The following BEST4 variants were observed in gnomAD, a reference collection of about 807,000 sequenced individuals.
BEST4 encodes bestrophin-4.
Under a neutral mutation model 47.1 loss-of-function variants are expected in BEST4, and 36 were observed. The observed-to-expected ratio is 0.76, with a 90% confidence interval of 0.59 to 1.01. The LOEUF is 1.01. Ranked by LOEUF, BEST4 falls within the 50% of genes least tolerant of loss-of-function variation. The pLI is 0.00. For missense variants in BEST4, 550 were observed against 648.6 expected (o/e 0.85, Z 1.65); for synonymous variants, 250 against 277.8 (o/e 0.90, Z 1.00).
downstream of BEST4, among the ~76,000 whole-genome samples, chr1:44,782,219 G>A (rs901339012): frequency 2.7e-5 from 4 of 146,906 alleles, no homozygotes; most frequent in South Asian, 2.1e-4. Context: ...ATGGAACAAG[G>A]CTTGTAAAAG....
Position 44,787,583 on chromosome 1 carries a change from G to A in BEST4, c.123C>T (p.Ala41=), listed in dbSNP as rs909665916. ...AGGTGATGCTAAGCACAGCGTACAA[G>A]GCCCCAAAGAGGAGGAATTCCTTGT... ...LLYKEFLLFG[A]LYAVLSITYR... Residue 41 remains alanine (A), a synonymous_variant, in exon 1 of 9, where the codon GCC becomes GCT. Transcript: ENST00000372207. 4.3e-6 allele frequency: 7 copies of A among 1,614,108 alleles called. No homozygotes were observed. Among genetic ancestry groups the A allele is most frequent in the Non-Finnish European group, 5.1e-6 (6 of 1,180,044 alleles).
At chr1:44,789,857 C>T (rs139491717), upstream of BEST4, among the ~76,000 whole-genome samples, 2 of 152,150 alleles carry the variant, frequency 1.3e-5, no homozygotes, top group African/African-American at 2.4e-5. Flanking sequence ...GGAAGCTCCT[C>T]CCCCTACACT....
chr1:44,782,037 G>T (rs1651055395), downstream of BEST4, among the ~76,000 whole-genome samples: 1 of 152,030 alleles, frequency 6.6e-6, no homozygotes, highest in Admixed American at 6.6e-5. Context: ...GGTGGCATGT[G>T]CCTGTAATCC....
Position 44,786,515 on chromosome 1 carries a change from G to GC in BEST4, c.428_429insG (p.Ser144GlnfsTer6). On this transcript the variant is annotated frameshift_variant, in exon 3 of 9. Coordinates refer to ENST00000372207, the MANE Select transcript of BEST4 (RefSeq NM_153274.3). LOFTEE classifies it high-confidence loss of function. This position sits in a 1 kb window ranked among gnomAD's most constrained non-coding sequence, Gnocchi z 4.9. ...GGAAGCGCTTAAGCACGCGGGTGCT[G>GC]ACCGAGCGCAGCACCAGCACGGACG... 3 of 1,548,170 alleles carry GC rather than the reference G, an allele frequency of 1.9e-6. No individual in the cohort carries two copies. The South Asian group carries it at 3.6e-5, about 18-fold the overall frequency.
At chr1:44,788,944 A>C (rs1651332835), upstream of BEST4, among the ~76,000 whole-genome samples, 2 of 152,196 alleles carry the variant, frequency 1.3e-5, no homozygotes, top group Admixed American at 1.3e-4. Context: ...GTAATACCTA[A>C]GGCGCTGATA....
At chr1:44,790,508 C>T (rs1042834940), upstream of BEST4, among the ~76,000 whole-genome samples, 1 of 152,144 alleles carries the variant, frequency 6.6e-6, no homozygotes, top group Non-Finnish European at 1.5e-5. Context: ...CCTCAAAACC[C>T]TCTGGGTTTT....
chr1:44,790,172 G>A (rs1438145021), upstream of BEST4, among the ~76,000 whole-genome samples: 1 of 152,158 alleles, frequency 6.6e-6, no homozygotes, highest in Non-Finnish European at 1.5e-5. Context: ...TCCCACGACT[G>A]GTCCAGTCTT....
In BEST4 at chr1:44,786,044, G is replaced by A; in HGVS notation, c.636+30C>T. 1.7e-5 allele frequency: 27 copies of A among 1,560,166 alleles called. No homozygotes were observed. Among genetic ancestry groups the A allele is most frequent in the Non-Finnish European group, 2.2e-5 (25 of 1,155,786 alleles). ...CATCTTTAAAATTAGAGGGAGGAGG[G>A]CAGATGGGTCTGGTCCTGAGCCCAC... is the stretch of plus-strand genomic sequence containing the variant. On this transcript the variant is annotated intron_variant, in intron 4 of 8. Coordinates refer to ENST00000372207, the MANE Select transcript of BEST4 (RefSeq NM_153274.3). This position sits in a 1 kb window ranked among gnomAD's most constrained non-coding sequence, Gnocchi z 4.9.
upstream of BEST4, among the ~76,000 whole-genome samples, chr1:44,791,262 G>A (rs1392952337): frequency 1.3e-5 from 2 of 152,006 alleles, no homozygotes; most frequent in African/African-American, 4.8e-5. Flanking sequence ...GTCTGTGTGT[G>A]TCCAGGACCT....
In BEST4 at chr1:44,786,791, G is replaced by T; in HGVS notation, c.248-95C>A. 1.1e-6 allele frequency: 1 copy of T among 943,370 alleles called. No homozygotes were observed. The highest frequency in any genetic ancestry group is 1.6e-6 in the Non-Finnish European group (1 of 632,120). The allele number at this position is 943,370 out of a possible 1,614,324, so 58.4% of individuals were successfully genotyped here. A position where few individuals can be genotyped will look rare whatever the true frequency, so the allele number is the denominator to read the frequency against. ...TCCCCCAGCAAAGGGCCTGGTCCAG[G>T]CCAGTTGAATCGTGGCAGGGGGAAG... On this transcript the variant is annotated intron_variant, in intron 2 of 8. Coordinates refer to ENST00000372207, the MANE Select transcript of BEST4 (RefSeq NM_153274.3). The surrounding 1 kb of genome is among the most constrained non-coding windows in gnomAD (Gnocchi z 4.9).
chr1:44,783,992 T>C lies in BEST4; in HGVS notation c.*218A>G, dbSNP rs1651117591. 2.2e-6 allele frequency: 1 copy of C among 450,460 alleles called. No homozygotes were observed. Among genetic ancestry groups the C allele is most frequent in the Admixed American group, 4.4e-5 (1 of 22,884 alleles). The allele number at this position is 450,460 out of a possible 1,614,324, so 27.9% of individuals were successfully genotyped here. A position where few individuals can be genotyped will look rare whatever the true frequency, so the allele number is the denominator to read the frequency against. ...GCTCATTTATTTTTCTAGCTTCACG[T>C]CCCCCAAGCAACCGACCTTCTCTCC... On this transcript the variant is annotated 3_prime_UTR_variant, in exon 9 of 9. Transcript: ENST00000372207.
Position 44,784,937 on chromosome 1 carries a change from C to CA in BEST4, c.960dup (p.Glu321Ter). ...TTGCGGTCTATGAGCTGATTTGTCT[C>CA]AAAGTCGTCATCATCCTCACCAAAT... On this transcript the variant is annotated frameshift_variant, in exon 7 of 9. Transcript: ENST00000372207. LOFTEE classifies it high-confidence loss of function. The surrounding 1 kb of genome is among the most constrained non-coding windows in gnomAD (Gnocchi z 6.2). 6.2e-7 allele frequency: 1 copy of CA among 1,614,180 alleles called. No individual in the cohort carries two copies. Among genetic ancestry groups the CA allele is most frequent in the African/African-American group, 1.3e-5 (1 of 75,046 alleles).
rs1651127318 is a variant in BEST4, at chr1:44,784,230, C to T, written c.1402G>A (p.Asp468Asn). Residue 468 changes from aspartate (D) to asparagine (N), a missense_variant, in exon 9 of 9, where the codon GAC becomes AAC. Physicochemically the swap from Asp to Asn is conservative, Grantham distance 23. Around this residue, in one of 3 missense-constraint regions of BEST4, gnomAD observed 255 missense variants for 286.6 expected, o/e 0.89. Coordinates refer to ENST00000372207, the MANE Select transcript of BEST4 (RefSeq NM_153274.3). The surrounding 1 kb of genome is among the most constrained non-coding windows in gnomAD (Gnocchi z 6.2). ...RIEEESAESG[D>N]EALEP ...AGACCTCAGGGCTCCAGGGCCTCGT[C>T]CCCGGACTCCGCCGATTCCTCCTCG... 1.4e-6 allele frequency: 2 copies of T among 1,450,688 alleles called. No homozygotes were observed. Among genetic ancestry groups the T allele is most frequent in the Non-Finnish European group, 1.8e-6 (2 of 1,110,898 alleles). 89.9% of individuals were successfully genotyped at this position (1,450,688 alleles called of 1,614,324 possible).
Position 44,786,404 on chromosome 1 carries a change from G to A in BEST4, c.481+59C>T, listed in dbSNP as rs1316629478. ...GGCCCCTGCTCCCAGGACTCTCCCAGGCGCCACCTGCATCCGGCTGTGGGC... is the reference window on the plus strand; with the variant it reads ...GGCCCCTGCTCCCAGGACTCTCCCAAGCGCCACCTGCATCCGGCTGTGGGC... On this transcript the variant is annotated intron_variant, in intron 3 of 8. Coordinates refer to ENST00000372207, the MANE Select transcript of BEST4 (RefSeq NM_153274.3). The surrounding 1 kb of genome is among the most constrained non-coding windows in gnomAD (Gnocchi z 4.9). 6.9e-7 allele frequency: 1 copy of A among 1,450,252 alleles called. No homozygotes were observed. The highest frequency in any genetic ancestry group is 2.5e-5 in the East Asian group (1 of 40,578). 89.8% of individuals were successfully genotyped at this position (1,450,252 alleles called of 1,614,324 possible).
downstream of BEST4, among the ~76,000 whole-genome samples, chr1:44,781,975 C>G (rs959829687): frequency 6.6e-6 from 1 of 151,848 alleles, no homozygotes; most frequent in East Asian, 2.0e-4. Flanking sequence ...CCAGCCTGGC[C>G]AACATGGTGA....
chr1:44,786,074 T>G lies in BEST4; in HGVS notation c.636A>C (p.Glu212Asp). Residue 212 changes from glutamate to aspartate, a missense_variant and splice_region_variant, in exon 4 of 9, where the codon GAA becomes GAC. By Grantham distance (45) the Glu-to-Asp change is conservative (BLOSUM62 2). Coordinates refer to ENST00000372207, the MANE Select transcript of BEST4 (RefSeq NM_153274.3). This position sits in a 1 kb window ranked among gnomAD's most constrained non-coding sequence, Gnocchi z 4.9. ...TGGGTCTGGTCCTGAGCCCACTCAC[T>G]TCCAAAAGTAGACAGAGAGCGATAT... ...RDDIALCLLL[E>D]ELNKYRAKCS... The G allele has an allele frequency of 6.2e-7, 1 of 1,600,708 alleles. No individual in the cohort carries two copies. Among genetic ancestry groups the G allele is most frequent in the Admixed American group, 1.8e-5 (1 of 55,972 alleles).
intron 2 of BEST4, 46 bp downstream of exon 2, chr1:44,787,326 G>C (rs1651279471): frequency 1.3e-6 from 2 of 1,598,610 alleles, no homozygotes; most frequent in Admixed American, 1.7e-5. Context: ...CAGAGGTCAG[G>C]GAACACAGTA....
In BEST4 at chr1:44,788,155, G is replaced by A. The variant is rs1339556675; in HGVS notation, c.-450C>T. On this transcript the variant is annotated 5_prime_UTR_variant, in exon 1 of 9. The change creates a new upstream start codon in the 5' untranslated region. Coordinates refer to ENST00000372207, the MANE Select transcript of BEST4 (RefSeq NM_153274.3). Reference sequence around the variant, plus strand: ...GCCTACCTGCTCTGGGCAGCAGCCCGTGTGGAAGATGAACTGGGCTAGACT... The same window carrying A: ...GCCTACCTGCTCTGGGCAGCAGCCCATGTGGAAGATGAACTGGGCTAGACT... Among the ~76,000 whole-genome samples the A allele has an allele frequency of 1.3e-5, 2 of 152,218 alleles. No individual in the cohort carries two copies. The highest frequency in any genetic ancestry group is 1.3e-4 in the Admixed American group (2 of 15,284).
chr1:44,782,344 T>C (rs1651065180), downstream of BEST4, among the ~76,000 whole-genome samples: 1 of 152,012 alleles, frequency 6.6e-6, no homozygotes, highest in Admixed American at 6.6e-5. Flanking sequence ...ATATTCACTA[T>C]TGGCTAGACG....
Sources: allele counts gnomAD v4.1 joint callset (sites outside exome capture counted in the v4.1 genomes callset), GRCh38; gene constraint gnomAD v4.1.1; regional missense constraint gnomAD v4.1.1; non-coding constraint Gnocchi (gnomAD v3.1); transcripts MANE v1.5; gene names NCBI Gene and HGNC (gene_info 2026-07-23, HGNC 2026-07-21).